MARCHF1: variants seen among roughly 807,000 people sequenced by gnomAD.
MARCHF1 encodes E3 ubiquitin-protein ligase MARCHF1.
Under a neutral mutation model 54.2 loss-of-function variants are expected in MARCHF1, and 40 were observed. The ratio of observed to expected loss-of-function variants is 0.74; its 90% confidence interval spans 0.57 to 0.96. The LOEUF is 0.96. MARCHF1 is among the 40% of genes least tolerant of loss of function. The pLI, the probability that MARCHF1 is intolerant of heterozygous loss-of-function variation, is 0.00. For synonymous variants in MARCHF1, 236 were observed against 236.3 expected, an observed-to-expected ratio of 1.00 and a Z score of 0.01; for missense variants, 586 against 656.5, an observed-to-expected ratio of 0.89 and a Z score of 1.17.
chr4:164,006,059 GAAAC>G (rs200003935), intron 2 of MARCHF1, among the ~76,000 whole-genome samples: 3,500 of 151,852 alleles, frequency 0.023, 129 homozygotes, highest in African/African-American at 0.076. Flanking sequence ...ATACCCACGA[GAAAC>G]AAACAAACAA....
intron 9 of MARCHF1, chr4:163,529,629 T>A (rs1359797974): frequency 1.3e-5 from 2 of 152,048 alleles, no homozygotes; most frequent in Non-Finnish European, 2.9e-5. Context: ...GCAAAAGATT[T>A]AGGATTTTAG....
chr4:164,272,673 T>C (rs1305230648), intron 1 of MARCHF1, among the ~76,000 whole-genome samples: 2 of 149,884 alleles, frequency 1.3e-5, no homozygotes, highest in African/African-American at 4.8e-5. Flanking sequence ...GGGATTTCAA[T>C]TGGAAAAAAA....
chr4:163,562,296 AAAAACAAAACAAAACAAAAC>A (rs67047524), intron 8 of MARCHF1, among the ~76,000 whole-genome samples: 1 of 150,060 alleles, frequency 6.7e-6, no homozygotes, highest in African/African-American at 2.5e-5. Context: ...ACTCTGTCTC[AAAAACAAAACAAAACAAAAC>A]AAAACAAAAC....
At chr4:164,286,645 T>C (rs1235267449) in intron 1 of MARCHF1, among the ~76,000 whole-genome samples, 1 of 151,464 alleles carries the variant, frequency 6.6e-6, no homozygotes, top group Non-Finnish European at 1.5e-5. Context: ...ACTGTGTATA[T>C]ATAGCAGGTG....
At position 164,147,149 on chromosome 4, in the gene MARCHF1, A is replaced by G. The variant is rs866557993; in HGVS notation, c.-322-35487T>C. The stretch of plus-strand genomic sequence containing the variant: ...ATACCATCTCACACCAGTTAGAATG[A>G]CAATCATTAAAAGTCAGGAAACAAC... On this transcript the variant is annotated intron_variant, in intron 1 of 9. Transcript: ENST00000514618. 2.3e-3 allele frequency among the ~76,000 whole-genome samples: 347 copies of G among 152,086 alleles called. 2 individuals carry two copies. The highest frequency in any genetic ancestry group is 8.0e-3 in the African/African-American group (331 of 41,376).
In MARCHF1 at chr4:163,880,253, C is replaced by T. The variant is rs537320915; in HGVS notation, c.-38-26084G>A. 4.6e-3 allele frequency among the ~76,000 whole-genome samples: 698 copies of T among 151,242 alleles called. 3 individuals are homozygous for T. Among genetic ancestry groups the T allele is most frequent in the African/African-American group, 0.016 (672 of 41,394 alleles). ...GCAACCAGATATAGAATTAAAAATA[C>T]TTTTATTTTTATAAAATTATTTTAT... On this transcript the variant is annotated intron_variant, in intron 3 of 9. Coordinates refer to ENST00000514618, the MANE Select transcript of MARCHF1 (RefSeq NM_001394959.1).
intron 3 of MARCHF1, among the ~76,000 whole-genome samples, chr4:163,945,522 G>A (rs1227964614): frequency 2.0e-5 from 3 of 152,110 alleles, no homozygotes; most frequent in Non-Finnish European, 4.4e-5. Context: ...AAGAAAAACA[G>A]CCTAGGTCTT....
chr4:164,091,666 T>C lies in MARCHF1; in HGVS notation c.-248+19922A>G, dbSNP rs115582679. On this transcript the variant is annotated intron_variant, in intron 2 of 9. Coordinates refer to ENST00000514618, the MANE Select transcript of MARCHF1 (RefSeq NM_001394959.1). ...TAAAAGATCACCTATCTACAAGTAG[T>C]TTATAGTCAAATTGGAAATTATGCT... 3.2e-3 allele frequency among the ~76,000 whole-genome samples: 485 copies of C among 152,108 alleles called. 3 individuals carry two copies. The highest frequency in any genetic ancestry group is 0.011 in the African/African-American group (455 of 41,534).
chr4:164,242,128 A>G (rs1166451069), intron 1 of MARCHF1, among the ~76,000 whole-genome samples: 1 of 151,844 alleles, frequency 6.6e-6, no homozygotes, highest in Non-Finnish European at 1.5e-5. Flanking sequence ...AGCCCACCAC[A>G]GCTCAAGGAG....
At chr4:163,547,159 C>G (rs1738939164) in intron 8 of MARCHF1, among the ~76,000 whole-genome samples, 1 of 152,238 alleles carries the variant, frequency 6.6e-6, no homozygotes, top group African/African-American at 2.4e-5. Context: ...AAAGTCCTGT[C>G]TCTGCCACCA....
chr4:163,684,212 C>A (rs1484220463), intron 5 of MARCHF1, among the ~76,000 whole-genome samples: 1 of 152,080 alleles, frequency 6.6e-6, no homozygotes, highest in African/African-American at 2.4e-5. Flanking sequence ...TAGGGCCCTC[C>A]AATTAATAGA....
intron 4 of MARCHF1, among the ~76,000 whole-genome samples, chr4:163,814,995 C>A (rs72995280): frequency 9.9e-5 from 15 of 151,984 alleles, no homozygotes; most frequent in Non-Finnish European, 1.5e-5. Context: ...AATGAAAAGG[C>A]CATAAATGCC....
chr4:163,604,030 T>A lies in MARCHF1; in HGVS notation c.1010+8241A>T, dbSNP rs563857960. Reference sequence around the variant, plus strand: ...CTGTCTGCCTTTTCGGCTGTTTTGTTCCTTCCCTGCATTGGCTTCTTTCCC... The same window carrying A: ...CTGTCTGCCTTTTCGGCTGTTTTGTACCTTCCCTGCATTGGCTTCTTTCCC... On this transcript the variant is annotated intron_variant, in intron 7 of 9. Transcript: ENST00000514618. 1.2e-4 allele frequency among the ~76,000 whole-genome samples: 18 copies of A among 152,276 alleles called. No individual in the cohort carries two copies. In the South Asian group the frequency reaches 3.7e-3, roughly 32 times the overall value.
At chr4:164,118,815 G>C (rs181346645) in intron 1 of MARCHF1, among the ~76,000 whole-genome samples, 1 of 149,972 alleles carries the variant, frequency 6.7e-6, no homozygotes, top group Admixed American at 6.7e-5. Context: ...ACTAAAACAG[G>C]TAACAACAAT....
chr4:163,982,481 C>T (rs1057219321), intron 3 of MARCHF1, among the ~76,000 whole-genome samples: 1 of 152,182 alleles, frequency 6.6e-6, no homozygotes, highest in Admixed American at 6.5e-5. Flanking sequence ...GCACAGGTAA[C>T]AAAGCAGGAA....
chr4:163,628,434 C>T (rs1313302644), intron 5 of MARCHF1, among the ~76,000 whole-genome samples: 1 of 152,190 alleles, frequency 6.6e-6, no homozygotes, highest in Non-Finnish European at 1.5e-5. Context: ...AACCCACAGC[C>T]AGTATCATAT....
intron 3 of MARCHF1, among the ~76,000 whole-genome samples, chr4:163,956,355 T>C (rs1752233063): frequency 6.6e-6 from 1 of 152,124 alleles, no homozygotes; most frequent in South Asian, 2.1e-4. Flanking sequence ...ACATGAATAA[T>C]AGGACATATG....
At chr4:164,184,854 T>A (rs1240571713) in intron 1 of MARCHF1, among the ~76,000 whole-genome samples, 1 of 152,000 alleles carries the variant, frequency 6.6e-6, no homozygotes, top group Non-Finnish European at 1.5e-5. Flanking sequence ...CTACATAGAG[T>A]ATGTTGTCTA....
At chr4:163,903,091 CAGA>C (rs1750976600) in intron 3 of MARCHF1, among the ~76,000 whole-genome samples, 1 of 152,056 alleles carries the variant, frequency 6.6e-6, no homozygotes, top group African/African-American at 2.4e-5. Context: ...ACTGAAGATT[CAGA>C]AGACTCAGAT....
Sources: allele counts gnomAD v4.1 joint callset (sites outside exome capture counted in the v4.1 genomes callset), GRCh38; gene constraint gnomAD v4.1.1; transcripts MANE v1.5; gene names NCBI Gene and HGNC (gene_info 2026-07-23, HGNC 2026-07-21).